The following PRLR variants were observed in gnomAD, a reference collection of about 807,000 sequenced individuals.
PRLR encodes prolactin receptor, also known as hPRL receptor.
PRLR carries 13 observed loss-of-function variants against 40.2 expected under a neutral mutation model. That is an observed-to-expected ratio of 0.32 (90% CI 0.21 to 0.51). The LOEUF (loss-of-function observed/expected upper bound fraction) is 0.51. Ranked by LOEUF, PRLR falls within the 20% of genes least tolerant of loss-of-function variation. The pLI is 0.97. For missense variants in PRLR, 656 were observed against 747.3 expected (o/e 0.88, Z 1.42); for synonymous variants, 269 against 278.7 (o/e 0.97, Z 0.35).
intron 5 of PRLR, among the ~76,000 whole-genome samples, chr5:35,083,129 T>C (rs1284618824): frequency 6.6e-6 from 1 of 151,630 alleles, no homozygotes; most frequent in Non-Finnish European, 1.5e-5. Context: ...TTGTCATTCA[T>C]CATGGAAGGA....
rs1769155629 is a variant in PRLR, at chr5:35,063,360, A to C, written c.*1729T>G. ...TATTTAACTCCCAGAGGTGAGCTCA[A>C]GTTCTCTATGTCCAGCTAGTAAATG... On this transcript the variant is annotated 3_prime_UTR_variant, in exon 10 of 10. Coordinates refer to ENST00000618457, the MANE Select transcript of PRLR (RefSeq NM_000949.7). The C allele has an allele frequency of 1.3e-5, 2 of 152,170 alleles. No homozygotes were observed. The highest frequency in any genetic ancestry group is 4.8e-5 in the African/African-American group (2 of 41,448). 9.4% of individuals were successfully genotyped at this position (152,170 alleles called of 1,614,324 possible). A position where few individuals can be genotyped will look rare whatever the true frequency, so the allele number is the denominator to read the frequency against.
intron 1 of PRLR, among the ~76,000 whole-genome samples, chr5:35,191,312 C>T (rs56221943): frequency 0.14 from 12,884 of 91,398 alleles, 2,800 homozygotes; most frequent in African/African-American, 0.31. Flanking sequence ...CCTCGTGATC[C>T]GCCCGCCTCG....
At chr5:35,197,399 C>A (rs1775765396) in intron 1 of PRLR, among the ~76,000 whole-genome samples, 1 of 152,214 alleles carries the variant, frequency 6.6e-6, no homozygotes, top group Admixed American at 6.5e-5. Flanking sequence ...GGCTGCTCCC[C>A]CAGGTCTACC....
At chr5:35,077,990 T>C (rs1225012663) in intron 5 of PRLR, among the ~76,000 whole-genome samples, 2 of 152,206 alleles carry the variant, frequency 1.3e-5, no homozygotes, top group Non-Finnish European at 1.5e-5. Flanking sequence ...GAAAGAAAGA[T>C]GTTCTTTGAA....
chr5:35,053,679 TAAAG>T (rs1768584912), downstream of PRLR, among the ~76,000 whole-genome samples: 1 of 152,192 alleles, frequency 6.6e-6, no homozygotes, highest in South Asian at 2.1e-4. Context: ...AAGCCCAATG[TAAAG>T]GAAATGATAT....
At chr5:35,153,150 G>T (rs1277125004) in intron 1 of PRLR, among the ~76,000 whole-genome samples, 1 of 152,104 alleles carries the variant, frequency 6.6e-6, no homozygotes, top group Non-Finnish European at 1.5e-5. Flanking sequence ...ACTTAATAAA[G>T]GATGGCTATC....
intron 1 of PRLR, among the ~76,000 whole-genome samples, chr5:35,192,216 T>C (rs988894179): frequency 1.3e-4 from 20 of 152,200 alleles, no homozygotes; most frequent in African/African-American, 4.1e-4. Flanking sequence ...TGAGAGAATA[T>C]ATGAGTGAAC....
intron 1 of PRLR, among the ~76,000 whole-genome samples, chr5:35,191,803 C>T (rs1039252599): frequency 3.9e-5 from 6 of 152,210 alleles, no homozygotes; most frequent in East Asian, 1.9e-4. Flanking sequence ...CCCCCCACCA[C>T]GGGTCTCACT....
At chr5:35,088,896 A>G (rs532076866) in intron 3 of PRLR, among the ~76,000 whole-genome samples, 1 of 152,352 alleles carries the variant, frequency 6.6e-6, no homozygotes, top group South Asian at 2.1e-4. Context: ...ATAAAAGTAT[A>G]TACATACAGG....
In PRLR at chr5:35,204,841, T is replaced by C. The variant is rs537511009; in HGVS notation, c.-106+25427A>G. ...ATACAACATGGGGTCTCAATAAATA[T>C]TGACTTGAATTCAAGTGATACTCAA... On this transcript the variant is annotated intron_variant, in intron 1 of 9. Transcript: ENST00000618457. Among the ~76,000 whole-genome samples, 5 of 152,268 alleles carry C rather than the reference T, an allele frequency of 3.3e-5. 1 individual carries two copies. The South Asian group carries it at 8.3e-4, about 25-fold the overall frequency.
intron 1 of PRLR, among the ~76,000 whole-genome samples, chr5:35,193,113 C>A (rs573663845): frequency 2.6e-5 from 4 of 152,114 alleles, no homozygotes; most frequent in Admixed American, 6.6e-5. Flanking sequence ...TAGGAGACTT[C>A]GAAGTGGCAA....
chr5:35,193,736 C>T (rs937411577), intron 1 of PRLR, among the ~76,000 whole-genome samples: 6 of 152,176 alleles, frequency 3.9e-5, no homozygotes, highest in Non-Finnish European at 8.8e-5. Context: ...ATCTGGAGGG[C>T]ACAGCTGCCG....
chr5:35,209,093 C>G (rs942005991), intron 1 of PRLR, among the ~76,000 whole-genome samples: 1 of 151,348 alleles, frequency 6.6e-6, no homozygotes, highest in Admixed American at 6.6e-5. Context: ...CAATCTATTC[C>G]TGATTCTTTT....
intron 2 of PRLR, among the ~76,000 whole-genome samples, chr5:35,109,263 C>T (rs1039506033): frequency 6.6e-6 from 1 of 152,088 alleles, no homozygotes; most frequent in Non-Finnish European, 1.5e-5. Flanking sequence ...CCATAAAAAC[C>T]CTAGAAGAAA....
intron 3 of PRLR, 55 bp downstream of exon 3, chr5:35,089,496 C>A (rs1771069725): frequency 1.6e-6 from 2 of 1,260,662 alleles, no homozygotes; most frequent in Non-Finnish European, 2.3e-6. Flanking sequence ...GGACTCTCCA[C>A]CCTGTTGACA....
intron 2 of PRLR, among the ~76,000 whole-genome samples, chr5:35,116,999 G>A (rs1773063466): frequency 6.6e-6 from 1 of 152,094 alleles, no homozygotes; most frequent in South Asian, 2.1e-4. Flanking sequence ...TGTCCTCCTT[G>A]GAACTGTCTG....
intron 2 of PRLR, among the ~76,000 whole-genome samples, chr5:35,106,719 CAT>C (rs773559024): frequency 1.3e-5 from 2 of 152,202 alleles, no homozygotes; most frequent in Non-Finnish European, 2.9e-5. Flanking sequence ...CACCCAGATT[CAT>C]AAAGCAAGTC....
chr5:35,102,650 C>A (rs1232293506), intron 2 of PRLR, among the ~76,000 whole-genome samples: 2 of 151,978 alleles, frequency 1.3e-5, no homozygotes. Context: ...TCAAGAAATT[C>A]TCCTGTCTTA....
chr5:35,066,328 A>G (rs994991580), intron 9 of PRLR, among the ~76,000 whole-genome samples: 1 of 152,124 alleles, frequency 6.6e-6, no homozygotes, highest in Non-Finnish European at 1.5e-5. Flanking sequence ...CCAAGCAATA[A>G]TAATCATGAG....
Sources: gnomAD v4.1 joint callset for allele counts (sites outside exome capture counted in the v4.1 genomes callset) on GRCh38, gnomAD v4.1.1 for gene constraint, MANE v1.5 for transcripts, NCBI Gene and HGNC (gene_info 2026-07-23, HGNC 2026-07-21) for gene names.